Variants in GRID2 observed in about 807,000 individuals in gnomAD.
GRID2 encodes glutamate receptor ionotropic, delta-2.
Under a neutral mutation model 114.8 loss-of-function variants are expected in GRID2, and 33 were observed. The ratio of observed to expected loss-of-function variants is 0.29; its 90% CI spans 0.22 to 0.38. GRID2 has a LOEUF of 0.38. Among genes scored for constraint, GRID2 ranks in the 10% least tolerant of loss-of-function variants. The probability of loss-of-function intolerance (pLI) is 1.00; values close to 1 mark genes in which losing one functional copy is unlikely to be tolerated. For missense variants in GRID2, 1,184 were observed against 1,257.7 expected, an observed-to-expected ratio of 0.94 and a Z score of 0.89; for synonymous variants, 505 against 449.9, an observed-to-expected ratio of 1.12 and a Z score of -1.55.
intron 2 of GRID2, among the ~76,000 whole-genome samples, chr4:92,681,708 A>C (rs1281315914): frequency 3.3e-5 from 5 of 152,200 alleles, no homozygotes; most frequent in Non-Finnish European, 5.9e-5. Flanking sequence ...AACCCACGGA[A>C]TTGTACACAA....
intron 13 of GRID2, among the ~76,000 whole-genome samples, chr4:93,590,440 C>G (rs1738109969): frequency 6.7e-6 from 1 of 148,878 alleles, no homozygotes; most frequent in African/African-American, 2.4e-5. Context: ...CAGTACCATG[C>G]TGTTTTGGTT....
chr4:92,744,999 C>T (rs1737076636), intron 2 of GRID2, among the ~76,000 whole-genome samples: 1 of 152,086 alleles, frequency 6.6e-6, no homozygotes, highest in South Asian at 2.1e-4. Context: ...GTAGGATCAA[C>T]AGAAATTTAT....
Position 92,632,604 on chromosome 4 carries a change from C to G in GRID2, c.244+42318C>G, listed in dbSNP as rs567726314. 1.2e-4 allele frequency among the ~76,000 whole-genome samples: 18 copies of G among 151,798 alleles called. No homozygotes were observed. In the East Asian group the frequency reaches 3.5e-3, roughly 30 times the overall value. On this transcript the variant is annotated intron_variant, in intron 2 of 15. Transcript: ENST00000282020. ...CCGAGATCGCACCACTGCACTCCAGCCTGAGCCACGGAGCGAGATTCTGTC... is the reference window on the plus strand; with the variant it reads ...CCGAGATCGCACCACTGCACTCCAGGCTGAGCCACGGAGCGAGATTCTGTC...
At chr4:93,418,540 T>C (rs1210464137) in intron 9 of GRID2, among the ~76,000 whole-genome samples, 2 of 152,096 alleles carry the variant, frequency 1.3e-5, no homozygotes, top group Non-Finnish European at 2.9e-5. Context: ...CCAATATGCA[T>C]CTGAAAATTC....
intron 13 of GRID2, among the ~76,000 whole-genome samples, chr4:93,603,439 G>A (rs1201982731): frequency 3.9e-5 from 6 of 152,114 alleles, no homozygotes; most frequent in South Asian, 2.1e-4. Flanking sequence ...TGGTTCTTGC[G>A]GTTTAAGGAA....
chr4:92,438,513 T>C (rs150931685), intron 1 of GRID2, among the ~76,000 whole-genome samples: 31 of 152,230 alleles, frequency 2.0e-4, no homozygotes, highest in African/African-American at 6.5e-4. Context: ...AAAGTCAATA[T>C]TGGCATTATA....
At chr4:92,570,300 A>G (rs181243234) in intron 1 of GRID2, among the ~76,000 whole-genome samples, 3 of 151,898 alleles carry the variant, frequency 2.0e-5, no homozygotes, top group Admixed American at 1.3e-4. Context: ...TCTCTATGCT[A>G]TTTCATTGGT....
At chr4:93,227,916 TTAAA>T (rs941648764) in intron 7 of GRID2, among the ~76,000 whole-genome samples, 1 of 152,180 alleles carries the variant, frequency 6.6e-6, no homozygotes, top group African/African-American at 2.4e-5. Context: ...TCACAACAAA[TTAAA>T]TAAACTCTTA....
intron 2 of GRID2, among the ~76,000 whole-genome samples, chr4:93,069,195 G>T (rs1578896737): frequency 6.6e-6 from 1 of 151,420 alleles, no homozygotes; most frequent in South Asian, 2.1e-4. Context: ...TTAGTTTTGG[G>T]TGGGGACAAC....
At chr4:93,772,009 C>CT (rs879050000) in intron 15 of GRID2, 67 bp from the exon 16 acceptor site, 10,793 of 760,464 alleles carry the variant, frequency 0.014, no homozygotes, top group South Asian at 0.018. Context: ...TGCTGAACTA[C>CT]TTTTTTTTTT....
intron 14 of GRID2, among the ~76,000 whole-genome samples, chr4:93,677,681 G>T (rs1440993477): frequency 1.3e-5 from 2 of 152,120 alleles, no homozygotes; most frequent in African/African-American, 4.8e-5. Context: ...GGTCTGGAGT[G>T]GACCTCTAGC....
At chr4:93,065,083 GA>G (rs1266502358) in intron 2 of GRID2, among the ~76,000 whole-genome samples, 1 of 151,826 alleles carries the variant, frequency 6.6e-6, no homozygotes, top group African/African-American at 2.4e-5. Flanking sequence ...GAAATATAGG[GA>G]GGAAAATGTG....
At chr4:92,810,163 T>G (rs1301780485) in intron 2 of GRID2, among the ~76,000 whole-genome samples, 7 of 152,036 alleles carry the variant, frequency 4.6e-5, no homozygotes, top group Non-Finnish European at 7.4e-5. Flanking sequence ...GTCACTTATG[T>G]CTCTGAAAGA....
At chr4:93,042,691 G>A (rs577001072) in intron 2 of GRID2, among the ~76,000 whole-genome samples, 130 of 133,578 alleles carry the variant, frequency 9.7e-4, no homozygotes, top group Non-Finnish European at 1.8e-3. Flanking sequence ...ATATATATAT[G>A]CATATATATA....
intron 14 of GRID2, among the ~76,000 whole-genome samples, chr4:93,738,412 A>G (rs1324915448): frequency 2.6e-5 from 4 of 152,178 alleles, no homozygotes; most frequent in African/African-American, 9.6e-5. Context: ...GGAATCTGTT[A>G]ACCACATAAA....
intron 13 of GRID2, among the ~76,000 whole-genome samples, chr4:93,530,879 T>A (rs1731370814): frequency 1.3e-5 from 2 of 152,166 alleles, no homozygotes; most frequent in African/African-American, 4.8e-5. Flanking sequence ...TTCCTCATAG[T>A]GTTCCTCTTA....
chr4:93,136,733 T>A (rs1457972688), intron 4 of GRID2, among the ~76,000 whole-genome samples: 1 of 152,172 alleles, frequency 6.6e-6, no homozygotes, highest in African/African-American at 2.4e-5. Context: ...AAAGATACTT[T>A]ATTGTTTAGA....
chr4:93,162,262 A>ATGAAGCAC (rs1189796294), intron 4 of GRID2, among the ~76,000 whole-genome samples: 1 of 152,004 alleles, frequency 6.6e-6, no homozygotes, highest in African/African-American at 2.4e-5. Context: ...AACACTGAAT[A>ATGAAGCAC]TGAAGACAGT....
At chr4:93,171,340 C>G (rs1738800614) in intron 4 of GRID2, among the ~76,000 whole-genome samples, 1 of 152,148 alleles carries the variant, frequency 6.6e-6, no homozygotes, top group Admixed American at 6.6e-5. Context: ...CTCCCTCACT[C>G]TCTCCAACTC....
Sources: allele counts gnomAD v4.1 joint callset (sites outside exome capture counted in the v4.1 genomes callset), GRCh38; gene constraint gnomAD v4.1.1; transcripts MANE v1.5; gene names NCBI Gene and HGNC (gene_info 2026-07-23, HGNC 2026-07-21).